Variants in ZSCAN5A observed in about 807,000 individuals in gnomAD.
ZSCAN5A encodes zinc finger and SCAN domain-containing protein 5A.
In ZSCAN5A, 12 loss-of-function variants were observed where a neutral mutation model predicts 23.7. The observed-to-expected ratio is 0.51, with a 90% CI of 0.32 to 0.82. The LOEUF is 0.82. Among genes scored for constraint, ZSCAN5A ranks in the 40% least tolerant of loss-of-function variants. ZSCAN5A has a pLI of 0.03. For synonymous variants in ZSCAN5A, 257 were observed against 239.9 expected (o/e 1.07, Z -0.66); for missense variants, 597 against 617.9 (o/e 0.97, Z 0.36).
chr19:56,343,985 C>CT (rs2041613420), intron 2 of ZSCAN5A, among the ~76,000 whole-genome samples: 1 of 152,088 alleles, frequency 6.6e-6, no homozygotes, highest in South Asian at 2.1e-4. Flanking sequence ...GTATTCATCC[C>CT]ATTACATTTA....
intron 2 of ZSCAN5A, chr19:56,342,369 TTA>T: frequency 5.9e-6 from 1 of 169,088 alleles, no homozygotes; most frequent in African/African-American, 2.4e-5. Context: ...TTTATTTTGT[TTA>T]TATCATTGTA....
chr19:56,361,304 TG>T (rs1453509285), intron 2 of ZSCAN5A, among the ~76,000 whole-genome samples: 2 of 152,236 alleles, frequency 1.3e-5, no homozygotes, highest in Non-Finnish European at 2.9e-5. Flanking sequence ...TGGTGATTCC[TG>T]AAAGATTTAG....
At chr19:56,262,409 A>G (rs567647959) in intron 2 of ZSCAN5A, among the ~76,000 whole-genome samples, 1 of 142,282 alleles carries the variant, frequency 7.0e-6, no homozygotes, top group Admixed American at 7.1e-5. Flanking sequence ...CTCGTTTCTA[A>G]TTTTTTTTTT....
chr19:56,276,381 A>G (rs2038254408), intron 2 of ZSCAN5A, among the ~76,000 whole-genome samples: 2 of 152,020 alleles, frequency 1.3e-5, no homozygotes, highest in Non-Finnish European at 2.9e-5. Context: ...GGGAAGAGAG[A>G]CTTCGGGCAG....
intron 2 of ZSCAN5A, among the ~76,000 whole-genome samples, chr19:56,227,649 T>C (rs2034079229): frequency 6.6e-6 from 1 of 152,162 alleles, no homozygotes; most frequent in South Asian, 2.1e-4. Flanking sequence ...ACCACACGGG[T>C]CACCCAGGTA....
chr19:56,326,594 C>T (rs149996774), intron 2 of ZSCAN5A, among the ~76,000 whole-genome samples: 37 of 152,108 alleles, frequency 2.4e-4, no homozygotes, highest in African/African-American at 7.7e-4. Context: ...GCTCTCTGTG[C>T]GTGGCTTATT....
intron 2 of ZSCAN5A, among the ~76,000 whole-genome samples, chr19:56,278,267 GGGA>G (rs1364230538): frequency 2.0e-5 from 3 of 152,106 alleles, no homozygotes; most frequent in Non-Finnish European, 4.4e-5. Flanking sequence ...CCAAGTAGCT[GGGA>G]CTATAGGTGC....
rs1272163921 is a variant in ZSCAN5A at position 56,221,606 on chromosome 19, T to C, written c.1460A>G (p.Gln487Arg). 6.2e-7 allele frequency: 1 copy of C among 1,608,044 alleles called. No individual in the cohort carries two copies. The highest frequency in any genetic ancestry group is 8.5e-7 in the Non-Finnish European group (1 of 1,177,058). Residue 487 changes from glutamine (Q) to arginine (R), a missense_variant, in exon 6 of 6, where the codon CAG becomes CGG. Transcript: ENST00000683990. ...FSRLKLLRRHQKTHPEATSQ is the reference protein window; with the variant it reads ...FSRLKLLRRHRKTHPEATSQ ...AGAAGTAGCTTCTGGATGTGTTTTCTGGTGGCGTCTTAACAATTTCAGCCG... is the reference window on the plus strand; with the variant it reads ...AGAAGTAGCTTCTGGATGTGTTTTCCGGTGGCGTCTTAACAATTTCAGCCG...
chr19:56,284,923 C>A, intron 2 of ZSCAN5A: 1 of 752,554 alleles, frequency 1.3e-6, no homozygotes, highest in Non-Finnish European at 1.6e-6. Context: ...ATCTGTTGAA[C>A]TGGGAGAAAT....
At chr19:56,223,029 G>T (rs1168941007) in intron 4 of ZSCAN5A, among the ~76,000 whole-genome samples, 1 of 152,140 alleles carries the variant, frequency 6.6e-6, no homozygotes, top group Non-Finnish European at 1.5e-5. Context: ...ACGTCTCCCT[G>T]CACCTGACAC....
At chr19:56,258,516 G>A (rs369901287) in intron 2 of ZSCAN5A, among the ~76,000 whole-genome samples, 32 of 149,176 alleles carry the variant, frequency 2.1e-4, no homozygotes, top group African/African-American at 7.0e-4. Context: ...ACACCTTCCA[G>A]TGTGGGGGGG....
chr19:56,259,051 CCT>C lies in ZSCAN5A; in HGVS notation c.-127-33880_-127-33879del, dbSNP rs2036933765. ...CAGCTCTAGTCAGCACAGAAGAGAC[CCT>C]GAGCCTAACCACCCAGCTGAGCCCA... On this transcript the variant is annotated intron_variant, in intron 2 of 5. Coordinates refer to ENST00000683990, the MANE Select transcript of ZSCAN5A (RefSeq NM_001322064.3). 2.0e-5 allele frequency among the ~76,000 whole-genome samples: 3 copies of C among 152,120 alleles called. No homozygotes were observed. In the South Asian group the frequency reaches 6.2e-4, roughly 32 times the overall value.
At chr19:56,225,872 C>T (rs544362760) in intron 2 of ZSCAN5A, among the ~76,000 whole-genome samples, 21 of 151,702 alleles carry the variant, frequency 1.4e-4, no homozygotes, top group Non-Finnish European at 1.5e-4. Flanking sequence ...ACCCCAGCCC[C>T]TAGCAATCAC....
At chr19:56,293,357 G>T (rs558050703) in intron 2 of ZSCAN5A, among the ~76,000 whole-genome samples, 1 of 152,180 alleles carries the variant, frequency 6.6e-6, no homozygotes, top group Non-Finnish European at 1.5e-5. Flanking sequence ...GATCCCAAAC[G>T]GTGCTATTAA....
intron 2 of ZSCAN5A, chr19:56,310,575 A>G (rs1568738992): frequency 6.6e-6 from 1 of 152,272 alleles, no homozygotes; most frequent in Non-Finnish European, 1.5e-5. Flanking sequence ...ACTACAGCTC[A>G]GAGAGACCGA....
At chr19:56,335,966 T>G (rs1021925175) in intron 2 of ZSCAN5A, among the ~76,000 whole-genome samples, 23 of 152,270 alleles carry the variant, frequency 1.5e-4, no homozygotes, top group Admixed American at 1.2e-3. Context: ...GTTAGTCTGA[T>G]GGGCTTCCCT....
intron 2 of ZSCAN5A, among the ~76,000 whole-genome samples, chr19:56,361,712 C>T (rs900149838): frequency 1.1e-4 from 17 of 151,988 alleles, no homozygotes; most frequent in African/African-American, 3.9e-4. Context: ...CAGAGGAGGG[C>T]ATGGTTGGGA....
At chr19:56,332,365 G>A (rs771771833) in intron 2 of ZSCAN5A, among the ~76,000 whole-genome samples, 10 of 152,286 alleles carry the variant, frequency 6.6e-5, no homozygotes, top group Non-Finnish European at 1.0e-4. Context: ...TATGTATTTA[G>A]ATAGTTAAGT....
intron 2 of ZSCAN5A, among the ~76,000 whole-genome samples, chr19:56,356,171 A>G (rs2041699322): frequency 6.7e-6 from 1 of 148,412 alleles, no homozygotes; most frequent in Non-Finnish European, 1.5e-5. Context: ...CGGGACAATC[A>G]GAGATGGGAG....
Sources: allele counts gnomAD v4.1 joint callset (sites outside exome capture counted in the v4.1 genomes callset), GRCh38; gene constraint gnomAD v4.1.1; transcripts MANE v1.5; gene names NCBI Gene and HGNC (gene_info 2026-07-23, HGNC 2026-07-21).